The following PTPRB variants were observed in gnomAD, a reference collection of about 807,000 sequenced individuals.
PTPRB encodes the protein protein tyrosine phosphatase receptor type B.
A neutral mutation model predicts 238.1 loss-of-function variants in PTPRB; 97 were observed. That is an observed-to-expected ratio of 0.41 (90% CI 0.35 to 0.48). The LOEUF (loss-of-function observed/expected upper bound fraction) is 0.48. Ranked by LOEUF, PTPRB falls within the 20% of genes least tolerant of loss-of-function variation. The pLI, the probability that PTPRB is intolerant of heterozygous loss-of-function variation, is 0.30. For missense variants in PTPRB, 2,292 were observed against 2,681.9 expected (o/e 0.85, Z 3.21); for synonymous variants, 970 against 995.4 (o/e 0.97, Z 0.48).
intron 2 of PTPRB, among the ~76,000 whole-genome samples, chr12:70,623,394 T>G (rs1182239047): frequency 6.6e-6 from 1 of 152,240 alleles, no homozygotes; most frequent in Non-Finnish European, 1.5e-5. Context: ...GCCATAATTT[T>G]AAAATGTGCT....
At chr12:70,585,191 C>T (rs1156675406) in intron 9 of PTPRB, 1 of 151,972 alleles carries the variant, frequency 6.6e-6, no homozygotes, top group African/African-American at 2.4e-5. Context: ...GAATTCCTGG[C>T]CTCAAGATCC....
Position 70,637,341 on chromosome 12 carries a change from C to T in PTPRB, c.55G>A (p.Glu19Lys). 1 of 1,605,528 alleles carries T rather than the reference C, an allele frequency of 6.2e-7. No individual in the cohort carries two copies. The highest frequency in any genetic ancestry group is 8.5e-7 in the Non-Finnish European group (1 of 1,176,044). Reference protein sequence around the residue: ...ILTCLIFRNSEGFQIVHVQKQ... With the variant: ...ILTCLIFRNSKGFQIVHVQKQ... ...AGGACACTGAGGCAGACCCACTCAC[C>T]TGAGTTCCTGAAGATCAAGCAGGTA... Residue 19 changes from glutamate to lysine, a missense_variant and splice_region_variant, in exon 1 of 34, where the codon GAA (glutamate) becomes AAA (lysine). Glu to Lys is a moderately conservative substitution (Grantham distance 56). Around this residue, in one of 4 missense-constraint regions of PTPRB, gnomAD observed 1,205 missense variants for 1,287.8 expected, o/e 0.94. Transcript: ENST00000334414.
chr12:70,632,909 G>A (rs1885519945), intron 2 of PTPRB, among the ~76,000 whole-genome samples: 1 of 152,168 alleles, frequency 6.6e-6, no homozygotes, highest in African/African-American at 2.4e-5. Flanking sequence ...GGGCACCTTA[G>A]TACTAGCACA....
intron 3 of PTPRB, chr12:70,609,738 T>C (rs747945472): frequency 1.3e-6 from 2 of 1,551,606 alleles, no homozygotes; most frequent in Admixed American, 1.9e-5. Context: ...GCATCAGCTC[T>C]GACCCCTTCT....
chr12:70,601,718 G>A lies in PTPRB; in HGVS notation c.980-5391C>T, dbSNP rs141514803. Among the ~76,000 whole-genome samples the A allele has an allele frequency of 5.3e-3, 812 of 151,890 alleles. 13 individuals carry two copies. The highest frequency in any genetic ancestry group is 0.042 in the South Asian group (202 of 4,798). On this transcript the variant is annotated intron_variant, in intron 4 of 33. Coordinates refer to ENST00000334414, the MANE Select transcript of PTPRB (RefSeq NM_001109754.4). Reference sequence around the variant, plus strand: ...TTGAAAATGAGAAGAAAAACAAAACGGAAAAGAATTGTGCACAACCTCCAG... The same window carrying A: ...TTGAAAATGAGAAGAAAAACAAAACAGAAAAGAATTGTGCACAACCTCCAG...
chr12:70,563,215 A>T, intron 15 of PTPRB, 108 bp from the exon 16 acceptor site: 1 of 1,125,938 alleles, frequency 8.9e-7, no homozygotes, highest in Non-Finnish European at 1.2e-6. Flanking sequence ...GGATTCAGTG[A>T]TACGGGAAAC....
chr12:70,553,292 A>G (rs1376290721), intron 20 of PTPRB, among the ~76,000 whole-genome samples: 1 of 152,222 alleles, frequency 6.6e-6, no homozygotes, highest in Non-Finnish European at 1.5e-5. Context: ...AGCTCATTGC[A>G]TTAAATGAGA....
rs755804282 is a variant in PTPRB at position 70,524,534 on chromosome 12, G to A, written c.6562C>T (p.Arg2188Trp). The change falls in exon 33 of 34, where the codon CGG becomes TGG. Residue 2188 changes from arginine (R) to tryptophan (W), a missense_variant. Physicochemically the swap from Arg to Trp is moderately radical, Grantham distance 101. This residue lies in a region of PTPRB where 397 missense variants were observed against 502.0 expected (regional missense o/e 0.79). Coordinates refer to ENST00000334414, the MANE Select transcript of PTPRB (RefSeq NM_001109754.4). ...AACAAGGGGTTTTCTTGTTCACTCC[G>A]TAGCTTTCTTGCTCTGAGGACATCT... is the stretch of plus-strand genomic sequence containing the variant. ...VRDVLRARKL[R>W]SEQENPLFPI... 3.5e-5 allele frequency: 56 copies of A among 1,612,998 alleles called. No homozygotes were observed. Among genetic ancestry groups the A allele is most frequent in the East Asian group, 4.5e-5 (2 of 44,872 alleles).
In PTPRB at chr12:70,528,615, G is replaced by A. The variant is rs539041604; in HGVS notation, c.6504+3420C>T. Among the ~76,000 whole-genome samples the A allele has an allele frequency of 1.1e-4, 17 of 152,108 alleles. No homozygotes were observed. The South Asian group carries it at 3.5e-3, about 32-fold the overall frequency. The stretch of plus-strand genomic sequence containing the variant: ...GAGCCCAGGAGTTTGAGTCTAGCCT[G>A]GTGAACATAGTGAGATCTTATCTCC... On this transcript the variant is annotated intron_variant, in intron 32 of 33. Transcript: ENST00000334414.
chr12:70,536,850 G>A (rs1048047541), intron 28 of PTPRB, among the ~76,000 whole-genome samples: 2 of 152,136 alleles, frequency 1.3e-5, no homozygotes, highest in African/African-American at 4.8e-5. Context: ...CCTCAGCATG[G>A]TGCCTGCTTG....
chr12:70,616,359 T>C (rs1294914835), intron 3 of PTPRB, among the ~76,000 whole-genome samples: 1 of 152,248 alleles, frequency 6.6e-6, no homozygotes, highest in Non-Finnish European at 1.5e-5. Flanking sequence ...TCCATCTGAA[T>C]TTATCTGATG....
Position 70,544,618 on chromosome 12 carries a change from C to T in PTPRB, c.5433G>A (p.Lys1811=). The change falls in exon 22 of 34, where the codon AAG becomes AAA. Residue 1811 remains lysine, a synonymous_variant. Transcript: ENST00000334414. ...AFTQLFDEDL[K]EFTKPLYSDT... ...CTGAATAGAGTGGCTTTGTGAATTC[C>T]TTCAGGTCCTCATCAAAGAGCTGTG... The T allele has an allele frequency of 6.2e-7, 1 of 1,605,932 alleles. No individual in the cohort carries two copies.
chr12:70,604,829 A>C (rs1319916939), intron 4 of PTPRB, among the ~76,000 whole-genome samples: 3 of 152,182 alleles, frequency 2.0e-5, no homozygotes, highest in Non-Finnish European at 2.9e-5. Flanking sequence ...GAGGACATGC[A>C]AAAAGGTGCC....
chr12:70,590,233 A>G lies in PTPRB; in HGVS notation c.1781T>C (p.Phe594Ser). The change falls in exon 8 of 34, where the codon TTT becomes TCT. Residue 594 changes from phenylalanine to serine, a missense_variant and splice_region_variant. By Grantham distance (155) the Phe-to-Ser change is radical (BLOSUM62 -2). Around this residue, in one of 4 missense-constraint regions of PTPRB, gnomAD observed 1,205 missense variants for 1,287.8 expected, o/e 0.94. Transcript: ENST00000334414. ...SAQKMAVGRT[F>S]PDKVANLEAN... The stretch of plus-strand genomic sequence containing the variant: ...CTCCAGGTTTGCAACTTTGTCTGGA[A>G]CTAAACGGTGAAATGATGTCAAAAA... The G allele has an allele frequency of 1.9e-6, 3 of 1,549,998 alleles. No homozygotes were observed. Among genetic ancestry groups the G allele is most frequent in the Non-Finnish European group, 2.6e-6 (3 of 1,148,512 alleles).
chr12:70,543,578 G>A (rs1875506108), intron 22 of PTPRB, among the ~76,000 whole-genome samples: 1 of 152,194 alleles, frequency 6.6e-6, no homozygotes, highest in South Asian at 2.1e-4. Flanking sequence ...AGATTGGAAT[G>A]TTTGTGAGGC....
At position 70,521,379 on chromosome 12, in the gene PTPRB, A is replaced by T. The variant is rs745488202; in HGVS notation, c.*110T>A. On this transcript the variant is annotated 3_prime_UTR_variant, in exon 34 of 34. Coordinates refer to ENST00000334414, the MANE Select transcript of PTPRB (RefSeq NM_001109754.4). ...TAAACATTCTCCAGATTAATAAATT[A>T]TACATAGTATCAACAGAAATAGCTG... is the stretch of plus-strand genomic sequence containing the variant. 1.5e-6 allele frequency: 1 copy of T among 673,796 alleles called. No individual in the cohort carries two copies. Among genetic ancestry groups the T allele is most frequent in the Non-Finnish European group, 2.3e-6 (1 of 428,974 alleles). 41.7% of individuals were successfully genotyped at this position (673,796 alleles called of 1,614,324 possible). A position where few individuals can be genotyped will look rare whatever the true frequency, so the allele number is the denominator to read the frequency against.
intron 3 of PTPRB, among the ~76,000 whole-genome samples, chr12:70,610,018 G>C (rs1181458269): frequency 6.6e-6 from 1 of 151,978 alleles, no homozygotes. Flanking sequence ...CTGCGGACGC[G>C]AGAGGCGGCG....
chr12:70,595,437 T>G (rs1299648655), intron 5 of PTPRB, among the ~76,000 whole-genome samples: 4 of 151,996 alleles, frequency 2.6e-5, no homozygotes, highest in Non-Finnish European at 4.4e-5. Flanking sequence ...ATCCCAGAAC[T>G]TAAAGTATAA....
At chr12:70,581,695 G>A (rs912364342) in intron 9 of PTPRB, among the ~76,000 whole-genome samples, 1 of 152,066 alleles carries the variant, frequency 6.6e-6, no homozygotes, top group African/African-American at 2.4e-5. Context: ...TTGTTATGGG[G>A]TGGTATTGGG....
Sources: gnomAD v4.1 joint callset for allele counts (sites outside exome capture counted in the v4.1 genomes callset) on GRCh38, gnomAD v4.1.1 for gene constraint, gnomAD v4.1.1 regional missense constraint, MANE v1.5 for transcripts, NCBI Gene and HGNC (gene_info 2026-07-23, HGNC 2026-07-21) for gene names.